Variants in RALB observed in about 807,000 individuals in gnomAD.
RALB encodes RAS like proto-oncogene B, also known as ras-related protein Ral-B.
Under a neutral mutation model 21.3 loss-of-function variants are expected in RALB, and 16 were observed. That is an observed-to-expected ratio of 0.75 (90% CI 0.51 to 1.14). The LOEUF is 1.14. Ranked by LOEUF, RALB falls within the 50% of genes most tolerant of loss-of-function variation. The pLI is 0.00. For synonymous variants in RALB, 93 were observed against 96.1 expected (o/e 0.97, Z 0.19); for missense variants, 161 against 256.2 (o/e 0.63, Z 2.54).
intron 1 of RALB, among the ~76,000 whole-genome samples, chr2:120,256,051 C>G (rs1200880291): frequency 6.6e-6 from 1 of 151,314 alleles, no homozygotes; most frequent in African/African-American, 2.4e-5. Flanking sequence ...CCAAACTTAG[C>G]AGCTTAAAAC....
At chr2:120,252,480 T>A (rs138428009), upstream of RALB, among the ~76,000 whole-genome samples, 1 of 152,372 alleles carries the variant, frequency 6.6e-6, no homozygotes, top group East Asian at 1.9e-4. Flanking sequence ...TCGCTTTTGC[T>A]TTCCATTACT....
rs562441028 is a variant in RALB, at chr2:120,256,558, C to T, written c.-48+3578C>T. Among the ~76,000 whole-genome samples, 7 of 152,200 alleles carry T rather than the reference C, an allele frequency of 4.6e-5. No homozygotes were observed. The East Asian group carries it at 7.7e-4, about 17-fold the overall frequency. On this transcript the variant is annotated intron_variant, in intron 1 of 4. Transcript: ENST00000272519. ...TGGTTTTACAAGCGTCTGGCATTTC[C>T]CCTGCTGGCACTCATTCTCTCTCCT...
intron 2 of RALB, among the ~76,000 whole-genome samples, chr2:120,281,110 C>T (rs1246992678): frequency 6.6e-6 from 1 of 152,226 alleles, no homozygotes; most frequent in East Asian, 1.9e-4. Flanking sequence ...TCCCACAAGA[C>T]TCCACTCAAG....
intron 4 of RALB, among the ~76,000 whole-genome samples, chr2:120,291,107 G>A (rs2104667427): frequency 6.6e-6 from 1 of 152,250 alleles, no homozygotes; most frequent in African/African-American, 2.4e-5. Flanking sequence ...AAGAACATTG[G>A]TATTTAGAAT....
chr2:120,242,200 A>G (rs1688907113), intron 1 of RALB, among the ~76,000 whole-genome samples: 1 of 152,216 alleles, frequency 6.6e-6, no homozygotes, highest in Non-Finnish European at 1.5e-5. Context: ...TGGTACCTGG[A>G]GTCGTCAAAT....
chr2:120,241,163 C>T (rs1688889055), intron 1 of RALB, among the ~76,000 whole-genome samples: 1 of 152,228 alleles, frequency 6.6e-6, no homozygotes, highest in Admixed American at 6.5e-5. Flanking sequence ...CTGCCTCCCA[C>T]TCTCCCAGAA....
At chr2:120,246,937 A>C (rs1688980934) in intron 1 of RALB, among the ~76,000 whole-genome samples, 1 of 152,208 alleles carries the variant, frequency 6.6e-6, no homozygotes, top group African/African-American at 2.4e-5. Context: ...ATGCCCTTGG[A>C]TGAGGTTGGC....
In RALB at chr2:120,252,893, G is replaced by T; in HGVS notation, c.-135G>T. On this transcript the variant is annotated 5_prime_UTR_variant, in exon 1 of 5. Transcript: ENST00000272519. ...GCTCAATGACAAATCGGTGGAGGAC[G>T]GCTGGGGTCCGGCCCCGGGAGGGGG... 3 of 985,566 alleles carry T rather than the reference G, an allele frequency of 3.0e-6. No homozygotes were observed. The highest frequency in any genetic ancestry group is 3.6e-6 in the Non-Finnish European group (3 of 830,042). 61.1% of individuals were successfully genotyped at this position (985,566 alleles called of 1,614,324 possible).
intron 2 of RALB, among the ~76,000 whole-genome samples, chr2:120,279,050 A>G (rs1689919273): frequency 6.6e-6 from 1 of 152,206 alleles, no homozygotes; most frequent in Admixed American, 6.5e-5. Context: ...TTCTGACAAA[A>G]GCCCAGGGGA....
At chr2:120,275,691 G>A (rs1022376187) in intron 1 of RALB, among the ~76,000 whole-genome samples, 5 of 152,096 alleles carry the variant, frequency 3.3e-5, no homozygotes, top group African/African-American at 1.2e-4. Flanking sequence ...AGGCTATCTC[G>A]TCAGCAGTAA....
At position 120,289,670 on chromosome 2, in the gene RALB, G is replaced by T. The variant is rs1020616707; in HGVS notation, c.414G>T (p.Val138=). ...NKSDLEERRQ[V]PVEEARSKAE... ...CTGACCTAGAGGAGCGGAGGCAGGT[G>T]CCTGTGGAGGAGGCCAGGAGTAAAG... is the stretch of plus-strand genomic sequence containing the variant. Residue 138 remains valine, a synonymous_variant, in exon 4 of 5, where the codon GTG becomes GTT. Transcript: ENST00000272519. 2 of 1,614,236 alleles carry T rather than the reference G, an allele frequency of 1.2e-6. No individual in the cohort carries two copies. Among genetic ancestry groups the T allele is most frequent in the Non-Finnish European group, 1.7e-6 (2 of 1,180,036 alleles).
intron 1 of RALB, among the ~76,000 whole-genome samples, chr2:120,254,802 C>G (rs1374292838): frequency 1.3e-5 from 2 of 152,120 alleles, no homozygotes; most frequent in Non-Finnish European, 2.9e-5. Flanking sequence ...CTCAGCCTCC[C>G]GAGTAGCTTG....
At chr2:120,270,973 A>T (rs1469720957) in intron 1 of RALB, among the ~76,000 whole-genome samples, 1 of 152,034 alleles carries the variant, frequency 6.6e-6, no homozygotes, top group East Asian at 1.9e-4. Context: ...GTAATGTTTG[A>T]CTGTTTGCTG....
At chr2:120,269,077 C>T (rs1446762037) in intron 1 of RALB, among the ~76,000 whole-genome samples, 2 of 152,194 alleles carry the variant, frequency 1.3e-5, no homozygotes, top group African/African-American at 4.8e-5. Context: ...CTTCTCCATT[C>T]TTTTCAATAG....
intron 1 of RALB, among the ~76,000 whole-genome samples, chr2:120,240,761 T>G (rs1385970894): frequency 2.0e-5 from 3 of 152,172 alleles, no homozygotes; most frequent in Non-Finnish European, 4.4e-5. Context: ...CATGACCTCC[T>G]GGGTGTCTTT....
At chr2:120,274,090 C>T (rs1299363642) in intron 1 of RALB, among the ~76,000 whole-genome samples, 1 of 152,166 alleles carries the variant, frequency 6.6e-6, no homozygotes, top group African/African-American at 2.4e-5. Context: ...CCTTTTCAGA[C>T]AGCCATAATA....
chr2:120,285,053 A>G (rs1690096610), intron 2 of RALB, among the ~76,000 whole-genome samples: 1 of 152,078 alleles, frequency 6.6e-6, no homozygotes, highest in Non-Finnish European at 1.5e-5. Flanking sequence ...AATACCCAAG[A>G]CTGGGTAGTT....
At position 120,278,029 on chromosome 2, in the gene RALB, G is replaced by A. The variant is rs530712371; in HGVS notation, c.-47-589G>A. Among the ~76,000 whole-genome samples the A allele has an allele frequency of 3.9e-5, 3 of 77,646 alleles. No homozygotes were observed. In the East Asian group the frequency reaches 7.0e-4, roughly 18 times the overall value. The allele number at this position is 77,646 out of a possible 152,430, so 50.9% of individuals were successfully genotyped here. Reference sequence around the variant, plus strand: ...TGTGTGAGCATGTGTGAATGTGAATGTGAGAGCGTGAGTGTGTGTGAATGT... The same window carrying A: ...TGTGTGAGCATGTGTGAATGTGAATATGAGAGCGTGAGTGTGTGTGAATGT... On this transcript the variant is annotated intron_variant, in intron 1 of 4. Transcript: ENST00000272519.
chr2:120,243,272 C>T (rs1688922163), intron 1 of RALB, among the ~76,000 whole-genome samples: 1 of 152,222 alleles, frequency 6.6e-6, no homozygotes, highest in African/African-American at 2.4e-5. Context: ...GTGGACAGAT[C>T]AGGGAGGCCT....
Sources: gnomAD v4.1 joint callset for allele counts (sites outside exome capture counted in the v4.1 genomes callset) on GRCh38, gnomAD v4.1.1 for gene constraint, MANE v1.5 for transcripts, NCBI Gene and HGNC (gene_info 2026-07-23, HGNC 2026-07-21) for gene names.